The following LPIN1 variants were observed in gnomAD, a reference collection of about 807,000 sequenced individuals.
LPIN1 encodes lipin 1.
In LPIN1, 71 loss-of-function variants were observed where a neutral mutation model predicts 107.5. The ratio of observed to expected loss-of-function variants is 0.66; its 90% CI spans 0.55 to 0.80. LPIN1 has a LOEUF of 0.80. Ranked by LOEUF, LPIN1 falls within the 30% of genes least tolerant of loss-of-function variation. The pLI is 0.00. For missense variants in LPIN1, 1,043 were observed against 1,160.6 expected, an observed-to-expected ratio of 0.90 and a Z score of 1.47; for synonymous variants, 445 against 452.6, an observed-to-expected ratio of 0.98 and a Z score of 0.21.
Position 11,746,680 on chromosome 2 carries a change from C to T in LPIN1, c.-10+9C>T, listed in dbSNP as rs1419632018. On this transcript the variant is annotated intron_variant, in intron 1 of 20. Transcript: ENST00000674199. ...ACGCGCGGCGCCGCTCGGTGAGTAG[C>T]CGCCGCCTCCAGCCTCCCGCTGTGG... The T allele has an allele frequency of 1.0e-6, 1 of 983,876 alleles. No homozygotes were observed. The highest frequency in any genetic ancestry group is 1.2e-6 in the Non-Finnish European group (1 of 828,754). The allele number at this position is 983,876 out of a possible 1,614,324, so 60.9% of individuals were successfully genotyped here. A position where few individuals can be genotyped will look rare whatever the true frequency, so the allele number is the denominator to read the frequency against.
intron 1 of LPIN1, among the ~76,000 whole-genome samples, chr2:11,762,607 C>T (rs1670025170): frequency 6.6e-6 from 1 of 152,100 alleles, no homozygotes; most frequent in Admixed American, 6.5e-5. Context: ...CTTTATTGCT[C>T]TGGAGCTAAG....
At chr2:11,816,147 G>T (rs140688577) in intron 18 of LPIN1, 2 of 152,208 alleles carry the variant, frequency 1.3e-5, no homozygotes, top group Non-Finnish European at 2.9e-5. Context: ...GTTGATTCTT[G>T]TGTATTTTCC....
intron 1 of LPIN1, among the ~76,000 whole-genome samples, chr2:11,751,197 GC>G (rs1316632046): frequency 1.3e-5 from 2 of 152,174 alleles, no homozygotes; most frequent in African/African-American, 4.8e-5. Context: ...AAGTGTCAGC[GC>G]TGGAGGAGCT....
At chr2:11,822,277 CAAAAA>C (rs751514674) in intron 20 of LPIN1, among the ~76,000 whole-genome samples, 11 of 78,878 alleles carry the variant, frequency 1.4e-4, no homozygotes, top group African/African-American at 5.3e-4. Flanking sequence ...CTAGAAATGC[CAAAAA>C]AAAAAAAAAA....
At chr2:11,740,684 G>GAAAA (rs56188204) in intron 1 of LPIN1, among the ~76,000 whole-genome samples, 1 of 81,548 alleles carries the variant, frequency 1.2e-5, no homozygotes, top group Non-Finnish European at 2.4e-5. Flanking sequence ...GCTCTATCTC[G>GAAAA]AAAAAAAAAA....
At chr2:11,738,292 A>T in intron 1 of LPIN1, among the ~76,000 whole-genome samples, 1 of 151,610 alleles carries the variant, frequency 6.6e-6, no homozygotes, top group Admixed American at 6.6e-5. Flanking sequence ...GTAGATGATG[A>T]GTTGATGGGT....
chr2:11,789,597 G>A (rs1214696724), intron 12 of LPIN1, among the ~76,000 whole-genome samples: 1 of 152,136 alleles, frequency 6.6e-6, no homozygotes, highest in Non-Finnish European at 1.5e-5. Context: ...TGCATGTGTT[G>A]TGTTTTGAGG....
intron 14 of LPIN1, among the ~76,000 whole-genome samples, chr2:11,799,589 C>T (rs574304295): frequency 1.8e-4 from 27 of 151,956 alleles, no homozygotes; most frequent in South Asian, 2.1e-4. Context: ...TCATAGGATC[C>T]GTAGGTGTTA....
At chr2:11,785,936 C>T (rs184971531) in intron 10 of LPIN1, among the ~76,000 whole-genome samples, 15 of 152,318 alleles carry the variant, frequency 9.8e-5, no homozygotes, top group Admixed American at 9.1e-4. Flanking sequence ...TCCATTCATT[C>T]ACTCAGTTTT....
chr2:11,723,068 A>C (rs1664268378), upstream of LPIN1, among the ~76,000 whole-genome samples: 1 of 152,218 alleles, frequency 6.6e-6, no homozygotes, highest in African/African-American at 2.4e-5. Context: ...AGACAAAAGA[A>C]AAAAAATCTC....
intron 2 of LPIN1, among the ~76,000 whole-genome samples, chr2:11,766,830 GCA>G (rs934041599): frequency 3.9e-5 from 6 of 152,150 alleles, no homozygotes; most frequent in Admixed American, 6.5e-5. Flanking sequence ...TGATACCAGT[GCA>G]CAGTCTTTTG....
At chr2:11,810,129 G>T (rs1406173997) in intron 17 of LPIN1, among the ~76,000 whole-genome samples, 1 of 152,200 alleles carries the variant, frequency 6.6e-6, no homozygotes, top group Non-Finnish European at 1.5e-5. Flanking sequence ...GCCGTCGGGG[G>T]TGCTGAGCAG....
intron 17 of LPIN1, among the ~76,000 whole-genome samples, chr2:11,809,770 C>A (rs182651634): frequency 6.6e-6 from 1 of 152,266 alleles, no homozygotes; most frequent in Admixed American, 6.5e-5. Flanking sequence ...GTCAGCACTT[C>A]TTTGTTTATT....
intron 6 of LPIN1, among the ~76,000 whole-genome samples, chr2:11,777,835 C>A (rs967446885): frequency 7.9e-5 from 12 of 152,218 alleles, no homozygotes; most frequent in African/African-American, 2.9e-4. Flanking sequence ...TCTGGTGAAA[C>A]AGAATGGCAA....
intron 1 of LPIN1, among the ~76,000 whole-genome samples, chr2:11,763,987 G>GTGTGTGTGTGTGTGTA (rs1359205019): frequency 9.0e-5 from 12 of 132,948 alleles, no homozygotes; most frequent in African/African-American, 3.7e-4. Flanking sequence ...GTGTGTGTGT[G>GTGTGTGTGTGTGTGTA]TATATATATA....
At chr2:11,752,652 C>T (rs193301098) in intron 1 of LPIN1, among the ~76,000 whole-genome samples, 4,002 of 151,440 alleles carry the variant, frequency 0.026, 64 homozygotes, top group Non-Finnish European at 0.041. Context: ...GGGATGGTCT[C>T]GATCTCCTGA....
rs1368782700 is a variant in LPIN1 at position 11,681,644 on chromosome 2, C to T, written c.81+3916C>T. Among the ~76,000 whole-genome samples, 3 of 152,196 alleles carry T rather than the reference C, an allele frequency of 2.0e-5. No individual in the cohort carries two copies. The East Asian group carries it at 5.8e-4, about 29-fold the overall frequency. On this transcript the variant is annotated intron_variant, in intron 1 of 21. Coordinates refer to the LPIN1 transcript ENST00000449576. ...CTAGTACACCCCCGTCGGCTCTGTTCTTTCCTTCTACCACGTCCCCGTGCT... is the reference window on the plus strand; with the variant it reads ...CTAGTACACCCCCGTCGGCTCTGTTTTTTCCTTCTACCACGTCCCCGTGCT...
At chr2:11,741,438 G>A in intron 2 of LPIN1, 4 of 1,537,910 alleles carry the variant, frequency 2.6e-6, no homozygotes, top group Non-Finnish European at 3.5e-6. Flanking sequence ...AGTAAGCACT[G>A]CTGTTCAGTA....
At chr2:11,689,533 T>C (rs1358615028) in intron 1 of LPIN1, among the ~76,000 whole-genome samples, 1 of 152,268 alleles carries the variant, frequency 6.6e-6, no homozygotes, top group Non-Finnish European at 1.5e-5. Flanking sequence ...TTTTCTATCC[T>C]CTTTTCTGTT....
Sources: gnomAD v4.1 joint callset for allele counts (sites outside exome capture counted in the v4.1 genomes callset) on GRCh38, gnomAD v4.1.1 for gene constraint, MANE v1.5 for transcripts, NCBI Gene and HGNC (gene_info 2026-07-23, HGNC 2026-07-21) for gene names.